CRLF2: variants seen among roughly 807,000 people sequenced by gnomAD.
The protein encoded by CRLF2 is cytokine receptor like factor 2.
CRLF2 carries 41 observed loss-of-function variants against 38.7 expected under a neutral mutation model. The ratio of observed to expected loss-of-function variants is 1.06; its 90% CI spans 0.83 to 1.37. CRLF2 has a LOEUF of 1.37. CRLF2 is among the 40% of genes most tolerant of loss of function. The pLI is 0.00. For synonymous variants in CRLF2, 140 were observed against 128.8 expected, an observed-to-expected ratio of 1.09 and a Z score of -0.59; for missense variants, 377 against 322.2, an observed-to-expected ratio of 1.17 and a Z score of -1.30.
At chrX:1,195,852 TTTTATATAGATTAAATTAAA>T (rs2086464651) in intron 6 of CRLF2, among the ~76,000 whole-genome samples, 2 of 141,244 alleles carry the variant, frequency 1.4e-5, no homozygotes, top group Non-Finnish European at 3.1e-5. Context: ...ATTTATATAT[TTTTATATAGATTAAATTAAA>T]TATATATTTT....
intron 7 of CRLF2, among the ~76,000 whole-genome samples, chrX:1,191,583 G>A (rs2086381696): frequency 6.6e-6 from 1 of 151,164 alleles, no homozygotes; most frequent in African/African-American, 2.4e-5. Flanking sequence ...CCAGGCTGGA[G>A]TGCAACGGCG....
chrX:1,196,857 G>A lies in CRLF2; in HGVS notation c.690C>T (p.Ser230=). ...ETPTPPKPKL[S]KFILISSLAI... is the part of the protein sequence containing the mutation. The stretch of plus-strand genomic sequence containing the variant: ...CCAGGCTGGAAATTAAAATAAATTT[G>A]GACAGCTTTGGTTTGGGAGGCGTTG... Residue 230 remains serine (S), a synonymous_variant, in exon 6 of 8, where the codon TCC becomes TCT. Coordinates refer to ENST00000400841, the MANE Select transcript of CRLF2 (RefSeq NM_022148.4). 6.2e-7 allele frequency: 1 copy of A among 1,613,550 alleles called. No individual in the cohort carries two copies. Among genetic ancestry groups the A allele is most frequent in the Non-Finnish European group, 8.5e-7 (1 of 1,179,642 alleles).
At chrX:1,194,645 A>G (rs2086447197) in intron 6 of CRLF2, among the ~76,000 whole-genome samples, 2 of 152,144 alleles carry the variant, frequency 1.3e-5, no homozygotes, top group Admixed American at 6.6e-5. Context: ...CAACGAGACT[A>G]TATTTGGAGA....
intron 4 of CRLF2, chrX:1,199,092 CA>C: frequency 2.6e-6 from 1 of 389,922 alleles, no homozygotes. Context: ...AAGGTTGTAG[CA>C]AGCAGAGATC....
chrX:1,192,673 CTCTT>C (rs1435126987), intron 7 of CRLF2, among the ~76,000 whole-genome samples: 11 of 145,748 alleles, frequency 7.5e-5, no homozygotes, highest in East Asian at 4.0e-4. Context: ...TTTTTTCTTT[CTCTT>C]TCTTTTTCTC....
In CRLF2 at chrX:1,191,068, C is replaced by G; in HGVS notation, c.945G>C (p.Gln315His). Reference protein sequence around the residue: ...ESGPEEPLVVQLAKTEAESPR... With the variant: ...ESGPEEPLVVHLAKTEAESPR... ...GAGACTCGGCTTCAGTCTTGGCCAA[C>G]TGGACTACCAGGGGCTCCTCGGGGC... Residue 315 changes from glutamine to histidine, a missense_variant, in exon 8 of 8, where the codon CAG (glutamine) becomes CAC (histidine). Coordinates refer to ENST00000400841, the MANE Select transcript of CRLF2 (RefSeq NM_022148.4). The G allele has an allele frequency of 2.5e-6, 1 of 398,682 alleles. No individual in the cohort carries two copies. Among genetic ancestry groups the G allele is most frequent in the Admixed American group, 4.4e-5 (1 of 22,720 alleles). 24.7% of individuals were successfully genotyped at this position (398,682 alleles called of 1,614,324 possible).
Position 1,202,446 on chromosome X carries a change from G to A in CRLF2, c.439C>T (p.Leu147Phe). Residue 147 changes from leucine (L) to phenylalanine (F), a missense_variant, in exon 4 of 8, where the codon CTC (leucine) becomes TTC (phenylalanine). By Grantham distance (22) the Leu-to-Phe change is conservative. Coordinates refer to ENST00000400841, the MANE Select transcript of CRLF2 (RefSeq NM_022148.4). ...TCSDLSYGDLLYEVQYRSPFD... is the reference protein window; with the variant it reads ...TCSDLSYGDLFYEVQYRSPFD... ...GGGCTCCGGTACTGAACCTCATAGA[G>A]GAGATCCCCGTAGGACAGGTCAGAA... The A allele has an allele frequency of 6.2e-7, 1 of 1,613,708 alleles. No individual in the cohort carries two copies. Among genetic ancestry groups the A allele is most frequent in the South Asian group, 1.1e-5 (1 of 91,078 alleles).
At chrX:1,207,238 G>A (rs1220712290) in intron 2 of CRLF2, among the ~76,000 whole-genome samples, 26 of 149,826 alleles carry the variant, frequency 1.7e-4, no homozygotes, top group African/African-American at 6.4e-4. Context: ...GAGCCACCGC[G>A]CCCGGCCGTT....
intron 2 of CRLF2, among the ~76,000 whole-genome samples, chrX:1,207,723 C>T (rs1321399948): frequency 1.3e-5 from 2 of 151,812 alleles, no homozygotes. Context: ...AATCTCGGCT[C>T]ACCGTGAACT....
At chrX:1,196,178 G>A (rs766405243) in intron 6 of CRLF2, among the ~76,000 whole-genome samples, 12 of 129,546 alleles carry the variant, frequency 9.3e-5, no homozygotes, top group African/African-American at 2.5e-4. Context: ...ACCACACCCG[G>A]CAGGGCTAAT....
chrX:1,198,651 C>G lies in CRLF2; in HGVS notation c.557G>C (p.Arg186Thr). 8 of 1,613,600 alleles carry G rather than the reference C, an allele frequency of 5.0e-6. No homozygotes were observed. Among genetic ancestry groups the G allele is most frequent in the Non-Finnish European group, 6.8e-6 (8 of 1,179,686 alleles). The change falls in exon 5 of 8, where the codon AGG becomes ACG. Residue 186 changes from arginine (R) to threonine (T), a missense_variant. By Grantham distance (71) the Arg-to-Thr change is moderately conservative. Transcript: ENST00000400841. ...DAEKCYSFWV[R>T]VKAMEDVYGP... ...ATATACATCCTCCATAGCCTTCACCCTGACCCAGAAAGAGTAACACTTCTC... is the reference window on the plus strand; with the variant it reads ...ATATACATCCTCCATAGCCTTCACCGTGACCCAGAAAGAGTAACACTTCTC...
intron 3 of CRLF2, among the ~76,000 whole-genome samples, chrX:1,202,805 A>G (rs1469122863): frequency 6.6e-6 from 1 of 152,050 alleles, no homozygotes; most frequent in African/African-American, 2.4e-5. Flanking sequence ...ACAAAAATAT[A>G]TGTTAAAATC....
chrX:1,211,357 G>GATGGATGGA (rs2086796594), intron 1 of CRLF2, among the ~76,000 whole-genome samples: 2 of 46,472 alleles, frequency 4.3e-5, no homozygotes, highest in African/African-American at 2.4e-4. Flanking sequence ...GGGTGGATGG[G>GATGGATGGA]TGGATGGATG....
chrX:1,201,750 G>A (rs748912613), intron 4 of CRLF2, among the ~76,000 whole-genome samples: 1 of 152,098 alleles, frequency 6.6e-6, no homozygotes, highest in African/African-American at 2.4e-5. Flanking sequence ...TACATACATA[G>A]ATAGATAAAT....
chrX:1,199,792 G>A (rs1202809179), intron 4 of CRLF2, among the ~76,000 whole-genome samples: 1 of 151,628 alleles, frequency 6.6e-6, no homozygotes, highest in Non-Finnish European at 1.5e-5. Context: ...ATATAATTGT[G>A]TATATATAAG....
chrX:1,198,303 A>C (rs1161432145), intron 5 of CRLF2, among the ~76,000 whole-genome samples: 1 of 89,616 alleles, frequency 1.1e-5, no homozygotes, highest in African/African-American at 4.8e-5. Flanking sequence ...CCTCCCTCCC[A>C]CCTCCCAGGA....
chrX:1,210,976 CATGGATGG>C (rs1400247995), intron 1 of CRLF2, among the ~76,000 whole-genome samples: 1 of 145,834 alleles, frequency 6.9e-6, no homozygotes, highest in African/African-American at 2.6e-5. Flanking sequence ...TAGATGTGTA[CATGGATGG>C]GTGGATGGAT....
intron 1 of CRLF2, among the ~76,000 whole-genome samples, chrX:1,212,069 G>A (rs2086812874): frequency 6.6e-6 from 1 of 151,550 alleles, no homozygotes; most frequent in African/African-American, 2.4e-5. Context: ...TTGATGGGTG[G>A]GTGAATGTAT....
chrX:1,202,267 A>C, intron 4 of CRLF2, 135 bp downstream of exon 4: 1 of 1,022,596 alleles, frequency 9.8e-7, no homozygotes, highest in Non-Finnish European at 1.4e-6. Flanking sequence ...GAGCTCTCTC[A>C]GGAAGATACA....
Sources: allele counts gnomAD v4.1 joint callset (sites outside exome capture counted in the v4.1 genomes callset), GRCh38; gene constraint gnomAD v4.1.1; transcripts MANE v1.5; gene names NCBI Gene and HGNC (gene_info 2026-07-23, HGNC 2026-07-21).